ESR1: variants seen among roughly 807,000 people sequenced by gnomAD.
The protein encoded by ESR1 is estrogen receptor 1, also known as estrogen receptor.
ESR1 carries 12 observed loss-of-function variants against 52.7 expected under a neutral mutation model. That is an observed-to-expected ratio of 0.23 (90% CI 0.15 to 0.37). ESR1 has a LOEUF of 0.37. Among genes scored for constraint, ESR1 ranks in the 10% least tolerant of loss-of-function variants. ESR1 has a pLI of 1.00. For missense variants in ESR1, 584 were observed against 779.7 expected, an observed-to-expected ratio of 0.75 and a Z score of 2.99; for synonymous variants, 305 against 316.8, an observed-to-expected ratio of 0.96 and a Z score of 0.39.
intron 2 of ESR1, among the ~76,000 whole-genome samples, chr6:151,855,356 TC>T (rs1466635784): frequency 6.6e-6 from 1 of 152,214 alleles, no homozygotes; most frequent in Non-Finnish European, 1.5e-5. Flanking sequence ...TGATTACTCT[TC>T]CTATTCTACA....
At chr6:151,743,783 C>CA (rs1248910159) in intron 2 of ESR1, among the ~76,000 whole-genome samples, 1 of 152,174 alleles carries the variant, frequency 6.6e-6, no homozygotes, top group African/African-American at 2.4e-5. Context: ...TAATATACCA[C>CA]AAAATCACCC....
chr6:152,106,305 T>G (rs1022261790), downstream of ESR1, among the ~76,000 whole-genome samples: 1 of 152,162 alleles, frequency 6.6e-6, no homozygotes, highest in African/African-American at 2.4e-5. Context: ...GAGAAAAAAA[T>G]TTATGGACTT....
chr6:152,056,489 A>C (rs2047114595), intron 5 of ESR1, among the ~76,000 whole-genome samples: 1 of 152,214 alleles, frequency 6.6e-6, no homozygotes, highest in African/African-American at 2.4e-5. Context: ...AAGATATACA[A>C]GTGAAGGTTT....
chr6:152,090,954 T>C (rs2050133545), intron 6 of ESR1, among the ~76,000 whole-genome samples: 2 of 152,352 alleles, frequency 1.3e-5, no homozygotes, highest in East Asian at 1.9e-4. Flanking sequence ...TAATGACATA[T>C]AGATTTTTTC....
chr6:151,922,708 A>G (rs989893741), intron 3 of ESR1, among the ~76,000 whole-genome samples: 3 of 152,138 alleles, frequency 2.0e-5, no homozygotes, highest in African/African-American at 7.2e-5. Context: ...AAGGAGCAAT[A>G]ATTTCCTTCA....
At chr6:152,057,577 A>G (rs2047199138) in intron 5 of ESR1, among the ~76,000 whole-genome samples, 1 of 152,132 alleles carries the variant, frequency 6.6e-6, no homozygotes, top group African/African-American at 2.4e-5. Flanking sequence ...CCACAAAAAC[A>G]TGAAGCACAT....
At chr6:152,066,072 C>A (rs925733264) in intron 6 of ESR1, among the ~76,000 whole-genome samples, 7 of 152,290 alleles carry the variant, frequency 4.6e-5, no homozygotes, top group Admixed American at 1.3e-4. Context: ...GAAGCAGTGC[C>A]AGCTGCTGTC....
At chr6:151,724,589 C>T (rs1225603146) in intron 2 of ESR1, among the ~76,000 whole-genome samples, 3 of 85,278 alleles carry the variant, frequency 3.5e-5, no homozygotes, top group Non-Finnish European at 8.1e-5. Context: ...CACACACATA[C>T]ACACACACAC....
intron 2 of ESR1, among the ~76,000 whole-genome samples, chr6:151,730,508 C>T (rs1463579548): frequency 6.6e-6 from 1 of 152,136 alleles, no homozygotes; most frequent in Non-Finnish European, 1.5e-5. Context: ...GTGCCATGGC[C>T]AAAACCTGTC....
downstream of ESR1, among the ~76,000 whole-genome samples, chr6:152,106,446 A>C (rs752313365): frequency 1.3e-5 from 2 of 152,200 alleles, no homozygotes; most frequent in Non-Finnish European, 2.9e-5. Flanking sequence ...AAGTGGGTCT[A>C]CTAGTAACGA....
chr6:151,810,180 T>G (rs1778575175), intron 1 of ESR1, among the ~76,000 whole-genome samples: 1 of 152,140 alleles, frequency 6.6e-6, no homozygotes, highest in Admixed American at 6.5e-5. Context: ...ATCATCCCAG[T>G]GATAAGTGGT....
rs137934936 is a variant in ESR1 at position 152,076,113 on chromosome 6, C to T, written c.1369+14989C>T. ...CACTGATATGGTTTGGCTCTGTGTCCCCACCCAAATTTCATCTTGAATTTT... is the reference window on the plus strand; with the variant it reads ...CACTGATATGGTTTGGCTCTGTGTCTCCACCCAAATTTCATCTTGAATTTT... On this transcript the variant is annotated intron_variant, in intron 6 of 7. Transcript: ENST00000206249. Among the ~76,000 whole-genome samples, 62 of 152,154 alleles carry T rather than the reference C, an allele frequency of 4.1e-4. No homozygotes were observed. In the East Asian group the frequency reaches 9.9e-3, roughly 24 times the overall value.
intron 5 of ESR1, among the ~76,000 whole-genome samples, chr6:152,046,071 G>A (rs1408259249): frequency 5.3e-5 from 8 of 152,198 alleles, no homozygotes; most frequent in African/African-American, 1.9e-4. Flanking sequence ...GGAAGGCAGA[G>A]GGAGTGGGTC....
At chr6:151,773,852 T>C (rs1045669336) in intron 2 of ESR1, among the ~76,000 whole-genome samples, 11 of 152,190 alleles carry the variant, frequency 7.2e-5, no homozygotes, top group African/African-American at 2.4e-4. Flanking sequence ...AGTTGGAAAA[T>C]TGATTCCTAG....
At chr6:151,763,565 C>G (rs1015196789) in intron 2 of ESR1, among the ~76,000 whole-genome samples, 2 of 152,084 alleles carry the variant, frequency 1.3e-5, no homozygotes, top group African/African-American at 2.4e-5. Flanking sequence ...ACTGACAGGA[C>G]GGTGTTGCCT....
intron 3 of ESR1, among the ~76,000 whole-genome samples, chr6:151,890,032 C>T (rs1259457424): frequency 6.6e-6 from 1 of 150,514 alleles, no homozygotes; most frequent in Non-Finnish European, 1.5e-5. Context: ...TGTCAATGTT[C>T]TTAAATTTAT....
intron 2 of ESR1, among the ~76,000 whole-genome samples, chr6:151,761,489 C>A (rs1784655935): frequency 6.6e-6 from 1 of 152,162 alleles, no homozygotes; most frequent in Admixed American, 6.5e-5. Flanking sequence ...GCATGCCTGA[C>A]TGGGGAGGTG....
intron 1 of ESR1, among the ~76,000 whole-genome samples, chr6:151,835,265 G>A (rs932175423): frequency 8.5e-5 from 13 of 152,104 alleles, no homozygotes; most frequent in African/African-American, 3.1e-4. Context: ...GGTTTCTTTG[G>A]TTTGTTCATG....
intron 2 of ESR1, among the ~76,000 whole-genome samples, chr6:151,780,172 A>G (rs971330799): frequency 1.3e-5 from 2 of 151,902 alleles, no homozygotes; most frequent in African/African-American, 2.4e-5. Context: ...ACATATTTGC[A>G]CAGGGAGGGG....
Sources: gnomAD v4.1 joint callset for allele counts (sites outside exome capture counted in the v4.1 genomes callset) on GRCh38, gnomAD v4.1.1 for gene constraint, MANE v1.5 for transcripts, NCBI Gene and HGNC (gene_info 2026-07-23, HGNC 2026-07-21) for gene names.